Variants in PCDHGA8 observed in about 807,000 individuals in gnomAD.
The protein encoded by PCDHGA8 is protocadherin gamma subfamily A, 8.
PCDHGA8 carries 45 observed loss-of-function variants against 59.2 expected under a neutral mutation model. The observed-to-expected ratio is 0.76, with a 90% CI of 0.60 to 0.98. The LOEUF is 0.98. Ranked by LOEUF, PCDHGA8 falls within the 50% of genes least tolerant of loss-of-function variation. The pLI, the probability that PCDHGA8 is intolerant of heterozygous loss-of-function variation, is 0.00. For missense variants in PCDHGA8, 1,257 were observed against 1,196.2 expected (o/e 1.05, Z -0.75); for synonymous variants, 531 against 519.0 (o/e 1.02, Z -0.32).
At chr5:141,412,815 A>G (rs2095578958) in intron 1 of PCDHGA8, among the ~76,000 whole-genome samples, 1 of 152,328 alleles carries the variant, frequency 6.6e-6, no homozygotes, top group Non-Finnish European at 1.5e-5. Flanking sequence ...AGAAACCTAC[A>G]TATAGTAAAT....
chr5:141,414,517 G>C, intron 1 of PCDHGA8: 1 of 1,613,964 alleles, frequency 6.2e-7, no homozygotes, highest in South Asian at 1.1e-5. Context: ...ACAAGTGGCA[G>C]ATATCAATGA....
intron 3 of PCDHGA8, among the ~76,000 whole-genome samples, chr5:141,505,981 A>G (rs1285802357): frequency 6.6e-6 from 1 of 151,898 alleles, no homozygotes; most frequent in Non-Finnish European, 1.5e-5. Context: ...CCGAGAGAAC[A>G]CCTCCTCTTT....
chr5:141,466,068 G>C (rs1278308918), intron 1 of PCDHGA8, among the ~76,000 whole-genome samples: 4 of 152,080 alleles, frequency 2.6e-5, no homozygotes, highest in Admixed American at 2.6e-4. Flanking sequence ...CTTGCAGTGA[G>C]CTGATATCAT....
chr5:141,446,988 C>T (rs548721486), intron 1 of PCDHGA8, among the ~76,000 whole-genome samples: 1 of 152,154 alleles, frequency 6.6e-6, no homozygotes, highest in Non-Finnish European at 1.5e-5. Flanking sequence ...TCATACTCCA[C>T]TCTTCAGACT....
At chr5:141,398,500 G>A (rs1366423528) in intron 1 of PCDHGA8, 1 of 1,607,950 alleles carries the variant, frequency 6.2e-7, no homozygotes, top group African/African-American at 1.4e-5. Context: ...GGAGATCGAG[G>A]ACATTAATGA....
At chr5:141,397,225 T>C (rs2093492124) in intron 1 of PCDHGA8, among the ~76,000 whole-genome samples, 1 of 151,338 alleles carries the variant, frequency 6.6e-6, no homozygotes, top group Non-Finnish European at 1.5e-5. Context: ...TTTTGAGATA[T>C]GAAGAAGAGC....
rs766939528 is a variant in PCDHGA8 at position 141,394,080 on chromosome 5, A to G, written c.1267A>G (p.Met423Val). The G allele has an allele frequency of 1.2e-6, 2 of 1,613,920 alleles. No homozygotes were observed. Among genetic ancestry groups the G allele is most frequent in the Non-Finnish European group, 1.7e-6 (2 of 1,179,848 alleles). The change falls in exon 1 of 4, where the codon ATG (methionine) becomes GTG (valine). Residue 423 changes from methionine to valine, a missense_variant. Transcript: ENST00000398604. ...TGTCTCTATCTACAATATCACAGTG[A>G]TGGCCTCAGATCTAGGAACACCACC... ...ENVSIYNITV[M>V]ASDLGTPPLS...
chr5:141,471,564 T>C (rs1352708320), intron 1 of PCDHGA8: 1 of 152,184 alleles, frequency 6.6e-6, no homozygotes, highest in African/African-American at 2.4e-5. Context: ...GACTCAGGGG[T>C]AGCAGTAGAT....
chr5:141,400,071 G>A (rs2093956056), intron 1 of PCDHGA8: 1 of 1,613,824 alleles, frequency 6.2e-7, no homozygotes, highest in African/African-American at 1.3e-5. Flanking sequence ...GTGGACAGCC[G>A]CCACTCTCCG....
At position 141,408,387 on chromosome 5, in the gene PCDHGA8, C is replaced by T. The variant is rs774250271; in HGVS notation, c.2424+13150C>T. Reference sequence around the variant, plus strand: ...CTAGGGCTCAGTGTCCTGGATGTGTCGGCTCGCAAGCTGCGAGTGAGCGCG... The same window carrying T: ...CTAGGGCTCAGTGTCCTGGATGTGTTGGCTCGCAAGCTGCGAGTGAGCGCG... On this transcript the variant is annotated intron_variant, in intron 1 of 3. Transcript: ENST00000398604. 1.2e-5 allele frequency: 20 copies of T among 1,613,890 alleles called. No homozygotes were observed. Among genetic ancestry groups the T allele is most frequent in the Non-Finnish European group, 1.6e-5 (19 of 1,179,880 alleles).
chr5:141,411,237 T>C (rs1472710660), intron 1 of PCDHGA8: 1 of 152,116 alleles, frequency 6.6e-6, no homozygotes, highest in Non-Finnish European at 1.5e-5. Flanking sequence ...GAAGACTTAG[T>C]GAATTTACGA....
In PCDHGA8 at chr5:141,486,680, T is replaced by A; in HGVS notation, c.2425-8127T>A. The A allele has an allele frequency of 6.2e-7, 1 of 1,614,102 alleles. No homozygotes were observed. Among genetic ancestry groups the A allele is most frequent in the Non-Finnish European group, 8.5e-7 (1 of 1,180,018 alleles). ...CCTGGAGCCCAGGAATCGAGATGTA[T>A]CAGCTTCCTCTTTCATCTCTCTGAA... is the stretch of plus-strand genomic sequence containing the variant. On this transcript the variant is annotated intron_variant, in intron 1 of 3. Coordinates refer to ENST00000398604, the MANE Select transcript of PCDHGA8 (RefSeq NM_032088.2). This position sits in a 1 kb window ranked among gnomAD's most constrained non-coding sequence, Gnocchi z 5.0.
chr5:141,398,945 T>G, intron 1 of PCDHGA8: 3 of 1,613,974 alleles, frequency 1.9e-6, no homozygotes, highest in Non-Finnish European at 2.5e-6. Context: ...GACGAGGGCA[T>G]CAACTCAGAA....
At position 141,403,226 on chromosome 5, in the gene PCDHGA8, CG is replaced by C. The variant is rs539681713; in HGVS notation, c.2424+7992del. On this transcript the variant is annotated intron_variant, in intron 1 of 3. Transcript: ENST00000398604. Reference sequence around the variant, plus strand: ...CTTGGTCACCGCGGGTAGGATAGACCGGGAGGAGCTCTGTGCTCAGAGCCCG... The same window carrying C: ...CTTGGTCACCGCGGGTAGGATAGACCGGAGGAGCTCTGTGCTCAGAGCCCG... 1.5e-3 allele frequency: 2,492 copies of C among 1,613,926 alleles called. 3 individuals are homozygous for C. The highest frequency in any genetic ancestry group is 1.8e-3 in the Non-Finnish European group (2,143 of 1,179,902).
chr5:141,407,009 T>C (rs1388688972), intron 1 of PCDHGA8, among the ~76,000 whole-genome samples: 1 of 152,198 alleles, frequency 6.6e-6, no homozygotes, highest in Non-Finnish European at 1.5e-5. Flanking sequence ...AGCTTTGAAG[T>C]TGACTCAAAA....
Position 141,403,961 on chromosome 5 carries a change from G to A in PCDHGA8, c.2424+8724G>A, listed in dbSNP as rs763967342. 8.1e-6 allele frequency: 13 copies of A among 1,613,892 alleles called. No individual in the cohort carries two copies. Among genetic ancestry groups the A allele is most frequent in the Non-Finnish European group, 1.1e-5 (13 of 1,179,856 alleles). On this transcript the variant is annotated intron_variant, in intron 1 of 3. Transcript: ENST00000398604. ...AGGGTGGACAAAAGTGCTCATTTCG[G>A]TGGAAGATGTAAATGACAATAGACC...
At chr5:141,470,022 G>C (rs892106953) in intron 1 of PCDHGA8, among the ~76,000 whole-genome samples, 2 of 152,070 alleles carry the variant, frequency 1.3e-5, no homozygotes, top group African/African-American at 4.8e-5. Context: ...CCAGCTACTC[G>C]GGATGCTGAG....
At chr5:141,478,098 C>T (rs779493391) in intron 1 of PCDHGA8, 1 of 1,614,142 alleles carries the variant, frequency 6.2e-7, no homozygotes, top group South Asian at 1.1e-5. Flanking sequence ...ACCACTGCTA[C>T]CCTCACTGTG....
At position 141,465,659 on chromosome 5, in the gene PCDHGA8, T is replaced by C. The variant is rs184749770; in HGVS notation, c.2425-29148T>C. Among the ~76,000 whole-genome samples the C allele has an allele frequency of 3.5e-4, 53 of 152,318 alleles. 1 individual carries two copies. Among genetic ancestry groups the C allele is most frequent in the African/African-American group, 1.2e-3 (50 of 41,576 alleles). ...TGCTTTGAACATCCCAAAAAAGCGC[T>C]TGCCATGACATTTGCTCTTGACCAG... On this transcript the variant is annotated intron_variant, in intron 1 of 3. Transcript: ENST00000398604.
Sources: gnomAD v4.1 joint callset for allele counts (sites outside exome capture counted in the v4.1 genomes callset) on GRCh38, gnomAD v4.1.1 for gene constraint, Gnocchi (gnomAD v3.1) non-coding constraint, MANE v1.5 for transcripts, NCBI Gene and HGNC (gene_info 2026-07-23, HGNC 2026-07-21) for gene names.